Variants in RBFOX1 observed in about 807,000 individuals in gnomAD.
RBFOX1 encodes RNA binding protein fox-1 homolog 1.
RBFOX1 carries 8 observed loss-of-function variants against 57.7 expected under a neutral mutation model. The observed-to-expected ratio is 0.14, with a 90% confidence interval of 0.08 to 0.25. The LOEUF is 0.25. Among genes scored for constraint, RBFOX1 ranks in the 10% least tolerant of loss-of-function variants. The pLI, the probability that RBFOX1 is intolerant of heterozygous loss-of-function variation, is 1.00. For missense variants in RBFOX1, 611 were observed against 548.5 expected (o/e 1.11, Z -1.14); for synonymous variants, 326 against 222.4 (o/e 1.47, Z -4.15).
chr16:6,829,029 C>T (rs2092471217), intron 3 of RBFOX1, among the ~76,000 whole-genome samples: 1 of 152,084 alleles, frequency 6.6e-6, no homozygotes, highest in East Asian at 1.9e-4. Flanking sequence ...TGAATTCCTT[C>T]TTGAGACGGT....
chr16:7,304,477 T>C, intron 4 of RBFOX1: 1 of 985,214 alleles, frequency 1.0e-6, no homozygotes, highest in Non-Finnish European at 1.2e-6. Flanking sequence ...TTTTATGTAC[T>C]TACAGCAGGT....
intron 4 of RBFOX1, among the ~76,000 whole-genome samples, chr16:7,383,007 T>C (rs1038969601): frequency 4.6e-5 from 7 of 152,068 alleles, no homozygotes; most frequent in East Asian, 1.9e-4. Context: ...ACTTGACATA[T>C]GGTAAGCAAG....
chr16:7,374,210 A>G (rs183809509), intron 4 of RBFOX1, among the ~76,000 whole-genome samples: 10 of 152,302 alleles, frequency 6.6e-5, no homozygotes, highest in Admixed American at 2.6e-4. Context: ...TGGGGATTCA[A>G]TATGGGGTCA....
intron 3 of RBFOX1, among the ~76,000 whole-genome samples, chr16:6,667,591 C>T (rs140841875): frequency 6.6e-6 from 1 of 152,088 alleles, no homozygotes; most frequent in Non-Finnish European, 1.5e-5. Flanking sequence ...CCTTGAATAA[C>T]TGCAAGCTGG....
chr16:6,931,340 T>TATCTAC (rs1555640312), intron 3 of RBFOX1, among the ~76,000 whole-genome samples: 3,427 of 106,836 alleles, frequency 0.032, 148 homozygotes, highest in African/African-American at 0.095. Context: ...TATCTATCTC[T>TATCTAC]ACACACACAC....
intron 5 of RBFOX1, among the ~76,000 whole-genome samples, chr16:7,567,775 CTA>C (rs556601713): frequency 1.5e-4 from 22 of 147,256 alleles, no homozygotes; most frequent in Non-Finnish European, 2.5e-4. Context: ...ATATCCCTCT[CTA>C]TATATATCCA....
At chr16:7,481,298 C>T (rs2063880690) in intron 4 of RBFOX1, among the ~76,000 whole-genome samples, 1 of 152,176 alleles carries the variant, frequency 6.6e-6, no homozygotes, top group African/African-American at 2.4e-5. Context: ...ATAGAAATCG[C>T]ATTATCTATA....
intron 3 of RBFOX1, among the ~76,000 whole-genome samples, chr16:5,837,228 T>C (rs534466986): frequency 6.7e-6 from 1 of 150,018 alleles, no homozygotes; most frequent in South Asian, 2.1e-4. Flanking sequence ...CTCTCTATAT[T>C]CCAGTCCCGC....
At chr16:6,772,289 C>A (rs1437843602) in intron 3 of RBFOX1, among the ~76,000 whole-genome samples, 4 of 152,078 alleles carry the variant, frequency 2.6e-5, no homozygotes, top group African/African-American at 9.7e-5. Flanking sequence ...ATATACAGTG[C>A]CTGACCCTAG....
intron 4 of RBFOX1, among the ~76,000 whole-genome samples, chr16:7,084,134 C>G (rs2059622038): frequency 6.6e-6 from 1 of 152,064 alleles, no homozygotes; most frequent in Middle Eastern, 3.2e-3. Flanking sequence ...ATAATACAAT[C>G]AAAATATGGA....
At chr16:6,738,283 T>TTA in intron 3 of RBFOX1, among the ~76,000 whole-genome samples, 1 of 151,978 alleles carries the variant, frequency 6.6e-6, no homozygotes, top group Admixed American at 6.6e-5. Context: ...GCTTACTGCT[T>TTA]TAAGAGTTTC....
rs921101964 is a variant in RBFOX1, at chr16:6,523,097, G to A, written c.-63-131506G>A. Among the ~76,000 whole-genome samples, 6 of 152,284 alleles carry A rather than the reference G, an allele frequency of 3.9e-5. No individual in the cohort carries two copies. The South Asian group carries it at 1.0e-3, about 26-fold the overall frequency. Reference sequence around the variant, plus strand: ...TTACTGCTCTTTAAAATAATCTTATGTGTTTGTTTGAATTGTTCAATTGCC... The same window carrying A: ...TTACTGCTCTTTAAAATAATCTTATATGTTTGTTTGAATTGTTCAATTGCC... On this transcript the variant is annotated intron_variant, in intron 2 of 15. Coordinates refer to ENST00000550418, the MANE Select transcript of RBFOX1 (RefSeq NM_018723.4).
intron 1 of RBFOX1, among the ~76,000 whole-genome samples, chr16:5,377,607 A>G (rs1488450164): frequency 2.0e-5 from 3 of 150,640 alleles, no homozygotes; most frequent in Admixed American, 6.6e-5. Context: ...AGAAAGAACA[A>G]GAGAGAGACA....
rs563845608 is a variant in RBFOX1, at chr16:7,488,192, C to G, written c.28-29955C>G. Among the ~76,000 whole-genome samples the G allele has an allele frequency of 2.0e-5, 3 of 152,270 alleles. No individual in the cohort carries two copies. The South Asian group carries it at 6.2e-4, about 32-fold the overall frequency. On this transcript the variant is annotated intron_variant, in intron 4 of 15. Transcript: ENST00000550418. ...GTCCTGCTCACATCTTCATCTGCAG[C>G]GTGCTCATCCCTGCAGGAGGGGCTT...
intron 2 of RBFOX1, among the ~76,000 whole-genome samples, chr16:6,456,730 C>T (rs909707831): frequency 6.6e-6 from 1 of 152,094 alleles, no homozygotes; most frequent in Non-Finnish European, 1.5e-5. Context: ...ATGAAGACAA[C>T]TGAATGGATC....
chr16:7,164,666 A>G (rs2079063316), intron 4 of RBFOX1, among the ~76,000 whole-genome samples: 1 of 152,214 alleles, frequency 6.6e-6, no homozygotes, highest in Admixed American at 6.5e-5. Context: ...ACACACAATG[A>G]CATTTCAAAA....
intron 3 of RBFOX1, among the ~76,000 whole-genome samples, chr16:6,709,447 T>C (rs894872965): frequency 6.6e-6 from 1 of 152,246 alleles, no homozygotes; most frequent in Non-Finnish European, 1.5e-5. Context: ...TTAAGTTTCA[T>C]GAGTTCTTCA....
chr16:7,228,106 T>C (rs1378320873), intron 4 of RBFOX1, among the ~76,000 whole-genome samples: 3 of 152,112 alleles, frequency 2.0e-5, no homozygotes, highest in African/African-American at 7.2e-5. Context: ...TAAGAATCAC[T>C]ATCTTACAGG....
chr16:6,614,630 C>T (rs750771866), intron 2 of RBFOX1, among the ~76,000 whole-genome samples: 1 of 152,178 alleles, frequency 6.6e-6, no homozygotes, highest in Non-Finnish European at 1.5e-5. Flanking sequence ...GTTCCTTCTG[C>T]AGGATCTGAG....
Sources: allele counts gnomAD v4.1 joint callset (sites outside exome capture counted in the v4.1 genomes callset), GRCh38; gene constraint gnomAD v4.1.1; transcripts MANE v1.5; gene names NCBI Gene and HGNC (gene_info 2026-07-23, HGNC 2026-07-21).